COBLL1: variants seen among roughly 807,000 people sequenced by gnomAD.
COBLL1 encodes cordon-bleu WH2 repeat protein like 1.
Under a neutral mutation model 94.8 loss-of-function variants are expected in COBLL1, and 50 were observed. That is an observed-to-expected ratio of 0.53 (90% CI 0.42 to 0.67). The LOEUF is 0.67. Among genes scored for constraint, COBLL1 ranks in the 30% least tolerant of loss-of-function variants. The probability of loss-of-function intolerance (pLI) is 0.00; values close to 1 mark genes in which losing one functional copy is unlikely to be tolerated. For missense variants in COBLL1, 1,362 were observed against 1,348.7 expected, an observed-to-expected ratio of 1.01 and a Z score of -0.15; for synonymous variants, 448 against 473.8, an observed-to-expected ratio of 0.95 and a Z score of 0.71.
At position 164,841,436 on chromosome 2, in the gene COBLL1, G is replaced by T; in HGVS notation, c.-50-190C>A. ...CGCCGCCGTCTCTACAAGGTCTAGC[G>T]GGCGCCCAGAGCACGGCGGAGGAGG... On this transcript the variant is annotated intron_variant, in intron 1 of 13. Transcript: ENST00000652658. This position sits in a 1 kb window ranked among gnomAD's most constrained non-coding sequence, Gnocchi z 5.5. 8.7e-7 allele frequency: 1 copy of T among 1,153,776 alleles called. No homozygotes were observed. Among genetic ancestry groups the T allele is most frequent in the Non-Finnish European group, 1.1e-6 (1 of 938,508 alleles). 71.5% of individuals were successfully genotyped at this position (1,153,776 alleles called of 1,614,324 possible).
Position 164,841,192 on chromosome 2 carries a change from T to C in COBLL1, c.5A>G (p.Asp2Gly). 4.9e-6 allele frequency: 6 copies of C among 1,232,278 alleles called. No homozygotes were observed. Among genetic ancestry groups the C allele is most frequent in the Non-Finnish European group, 6.1e-6 (6 of 989,098 alleles). The allele number at this position is 1,232,278 out of a possible 1,614,324, so 76.3% of individuals were successfully genotyped here. M[D>G]GRTPRPQDAP... The stretch of plus-strand genomic sequence containing the variant: ...GTCCTGCGGGCGCGGGGTTCGGCCG[T>C]CCATCGCCCTGCGGGGCGCTGCGCG... Residue 2 changes from aspartate (D) to glycine (G), a missense_variant, in exon 2 of 14, where the codon GAC becomes GGC. Transcript: ENST00000652658. The surrounding 1 kb of genome is among the most constrained non-coding windows in gnomAD (Gnocchi z 5.5).
At chr2:164,777,329 G>T in intron 2 of COBLL1, among the ~76,000 whole-genome samples, 1 of 123,848 alleles carries the variant, frequency 8.1e-6, no homozygotes, top group African/African-American at 3.5e-5. Flanking sequence ...TAAATCATGA[G>T]TTACACACAC....
At chr2:164,690,268 G>C (rs951420180) in intron 13 of COBLL1, among the ~76,000 whole-genome samples, 5 of 152,066 alleles carry the variant, frequency 3.3e-5, no homozygotes, top group Non-Finnish European at 7.4e-5. Context: ...AGTGAAATGA[G>C]ATGGATTATA....
intron 2 of COBLL1, among the ~76,000 whole-genome samples, chr2:164,778,907 G>A (rs1245475273): frequency 6.6e-6 from 1 of 151,958 alleles, no homozygotes; most frequent in Non-Finnish European, 1.5e-5. Context: ...AAGGGGAGGG[G>A]GAAGACCAGG....
chr2:164,769,289 T>TTATCC (rs1688086515), intron 2 of COBLL1, among the ~76,000 whole-genome samples: 1 of 152,172 alleles, frequency 6.6e-6, no homozygotes, highest in Admixed American at 6.5e-5. Context: ...AAAGAATAAA[T>TTATCC]TATCCTCAGC....
In COBLL1 at chr2:164,730,043, A is replaced by G; in HGVS notation, c.303T>C (p.Asp101=). 6.2e-7 allele frequency: 1 copy of G among 1,614,068 alleles called. No homozygotes were observed. Among genetic ancestry groups the G allele is most frequent in the South Asian group, 1.1e-5 (1 of 91,082 alleles). Residue 101 remains aspartate, a synonymous_variant, in exon 4 of 14, where the codon GAT becomes GAC. Transcript: ENST00000652658. Reference sequence around the variant, plus strand: ...TGTGGTTCTGTTCAGCTGACAACAGATCGATTGTGTAACTTGATGGATTTA... The same window carrying G: ...TGTGGTTCTGTTCAGCTGACAACAGGTCGATTGTGTAACTTGATGGATTTA... The part of the protein sequence containing the change: ...YHLNPSSYTI[D]LLSAEQNHIK...
intron 2 of COBLL1, among the ~76,000 whole-genome samples, chr2:164,805,053 G>T (rs1357842094): frequency 6.6e-6 from 1 of 151,774 alleles, no homozygotes; most frequent in African/African-American, 2.4e-5. Flanking sequence ...GACAAATGAT[G>T]ATGGCCTCAA....
At position 164,796,507 on chromosome 2, in the gene COBLL1, G is replaced by A. The variant is rs183025521; in HGVS notation, c.41+44649C>T. Among the ~76,000 whole-genome samples, 641 of 152,020 alleles carry A rather than the reference G, an allele frequency of 4.2e-3. 8 individuals carry two copies. Among genetic ancestry groups the A allele is most frequent in the African/African-American group, 0.014 (585 of 41,470 alleles). ...GAATTCTATACATTGAAGAAAATAG[G>A]AATAAACTCTGCAGAAGTTTGCTTT... On this transcript the variant is annotated intron_variant, in intron 2 of 13. Transcript: ENST00000652658.
chr2:164,832,549 T>C (rs910208172), intron 2 of COBLL1, among the ~76,000 whole-genome samples: 1 of 152,232 alleles, frequency 6.6e-6, no homozygotes, highest in African/African-American at 2.4e-5. Context: ...CAGCTTCTTA[T>C]TCAACCACAT....
chr2:164,838,222 T>C lies in COBLL1; in HGVS notation c.41+2934A>G, dbSNP rs532844059. On this transcript the variant is annotated intron_variant, in intron 2 of 13. Transcript: ENST00000652658. Reference sequence around the variant, plus strand: ...GACACCCAACCCATATAATTCACAATGTCGTAGAATGCTAAATGCGAGTTA... The same window carrying C: ...GACACCCAACCCATATAATTCACAACGTCGTAGAATGCTAAATGCGAGTTA... 4.6e-5 allele frequency among the ~76,000 whole-genome samples: 7 copies of C among 152,276 alleles called. No homozygotes were observed. The East Asian group carries it at 7.7e-4, about 17-fold the overall frequency.
At chr2:164,731,571 A>G (rs986749591) in intron 3 of COBLL1, among the ~76,000 whole-genome samples, 1 of 152,198 alleles carries the variant, frequency 6.6e-6, no homozygotes, top group African/African-American at 2.4e-5. Context: ...CTAAACTGTT[A>G]GTTCACACTT....
intron 13 of COBLL1, among the ~76,000 whole-genome samples, chr2:164,686,448 T>C (rs1683292195): frequency 1.3e-5 from 2 of 152,174 alleles, no homozygotes; most frequent in Admixed American, 6.6e-5. Flanking sequence ...GTACTGATGG[T>C]ATAAATTAAC....
chr2:164,679,527 G>A (rs756913532), downstream of COBLL1, among the ~76,000 whole-genome samples: 1 of 152,072 alleles, frequency 6.6e-6, no homozygotes, highest in Non-Finnish European at 1.5e-5. Context: ...TATCAAATAT[G>A]TCTTCAACCC....
intron 2 of COBLL1, among the ~76,000 whole-genome samples, chr2:164,747,059 T>G (rs1476404242): frequency 6.6e-6 from 1 of 151,040 alleles, no homozygotes; most frequent in Non-Finnish European, 1.5e-5. Context: ...CACTGATACT[T>G]GCTGAAAGAG....
At chr2:164,837,841 G>C (rs1204558422) in intron 2 of COBLL1, among the ~76,000 whole-genome samples, 1 of 152,090 alleles carries the variant, frequency 6.6e-6, no homozygotes, top group Non-Finnish European at 1.5e-5. Flanking sequence ...AAGCCCATAA[G>C]ATACAGAACA....
At chr2:164,791,188 G>A (rs1370042578) in intron 2 of COBLL1, among the ~76,000 whole-genome samples, 1 of 152,034 alleles carries the variant, frequency 6.6e-6, no homozygotes, top group Non-Finnish European at 1.5e-5. Flanking sequence ...ATTTTTTGCA[G>A]GTATTTTGGA....
At position 164,686,301 on chromosome 2, in the gene COBLL1, C is replaced by G. The variant is rs151138537; in HGVS notation, c.3301-269G>C. Among the ~76,000 whole-genome samples the G allele has an allele frequency of 8.4e-3, 1,285 of 152,210 alleles. 10 individuals are homozygous for G. Among genetic ancestry groups the G allele is most frequent in the African/African-American group, 0.022 (904 of 41,524 alleles). ...ACCAAATCAACACAAAGGACAAGAG[C>G]ACAAACAGACTGCAAACCAAGCTGT... On this transcript the variant is annotated intron_variant, in intron 13 of 13. Coordinates refer to ENST00000652658, the MANE Select transcript of COBLL1 (RefSeq NM_001365672.2).
chr2:164,759,868 C>T (rs1558988631), intron 2 of COBLL1, among the ~76,000 whole-genome samples: 2 of 152,134 alleles, frequency 1.3e-5, no homozygotes, highest in Admixed American at 1.3e-4. Flanking sequence ...CCACTACACA[C>T]CTAAATTTTA....
chr2:164,720,240 T>C (rs1337354010), intron 7 of COBLL1, among the ~76,000 whole-genome samples: 22 of 150,718 alleles, frequency 1.5e-4, no homozygotes, highest in Admixed American at 1.5e-3. Flanking sequence ...AATTAGAAAA[T>C]TGTATAAAGA....
Sources: allele counts gnomAD v4.1 joint callset (sites outside exome capture counted in the v4.1 genomes callset), GRCh38; gene constraint gnomAD v4.1.1; non-coding constraint Gnocchi (gnomAD v3.1); transcripts MANE v1.5; gene names NCBI Gene and HGNC (gene_info 2026-07-23, HGNC 2026-07-21).